Variants in NRXN1 observed in about 807,000 individuals in gnomAD.
The protein encoded by NRXN1 is neurexin-1.
NRXN1 carries 39 observed loss-of-function variants against 150.9 expected under a neutral mutation model. That is an observed-to-expected ratio of 0.26 (90% CI 0.20 to 0.34). The LOEUF is 0.34. Among genes scored for constraint, NRXN1 ranks in the 10% least tolerant of loss-of-function variants. The pLI is 1.00. For synonymous variants in NRXN1, 924 were observed against 757.0 expected, an observed-to-expected ratio of 1.22 and a Z score of -3.62; for missense variants, 1,815 against 1,949.9, an observed-to-expected ratio of 0.93 and a Z score of 1.30.
intron 5 of NRXN1, among the ~76,000 whole-genome samples, chr2:50,910,781 GAATA>G (rs963128814): frequency 6.6e-6 from 1 of 151,880 alleles, no homozygotes; most frequent in Non-Finnish European, 1.5e-5. Context: ...CGCAATGACT[GAATA>G]TATACTGCTA....
intron 21 of NRXN1, chr2:49,974,093 G>GAGAGCTGTAT: frequency 1.4e-6 from 1 of 716,940 alleles, no homozygotes; most frequent in South Asian, 1.5e-5. Flanking sequence ...ATCAATACTG[G>GAGAGCTGTAT]TGACAGGAGA....
intron 2 of NRXN1, among the ~76,000 whole-genome samples, chr2:51,019,593 TA>T (rs1381908114): frequency 6.6e-6 from 1 of 152,102 alleles, no homozygotes; most frequent in Non-Finnish European, 1.5e-5. Context: ...AACTACCTGG[TA>T]ATGCCTTTTC....
intron 17 of NRXN1, among the ~76,000 whole-genome samples, chr2:50,457,962 T>G (rs1042731947): frequency 6.6e-6 from 1 of 152,150 alleles, no homozygotes; most frequent in Non-Finnish European, 1.5e-5. Flanking sequence ...TACCGTATGA[T>G]CCAGCAATCT....
At chr2:50,812,731 T>TGTGC (rs1668395607) in intron 5 of NRXN1, among the ~76,000 whole-genome samples, 1 of 149,530 alleles carries the variant, frequency 6.7e-6, no homozygotes, top group African/African-American at 2.5e-5. Context: ...AGAGTGTGTG[T>TGTGC]GTGTGTGTGT....
chr2:50,971,770 T>C (rs1176412684), intron 2 of NRXN1, among the ~76,000 whole-genome samples: 4 of 151,996 alleles, frequency 2.6e-5, no homozygotes, highest in African/African-American at 9.7e-5. Flanking sequence ...CATTACACAG[T>C]CAGTGTTTAA....
At chr2:49,969,766 C>G (rs1677626206) in intron 21 of NRXN1, 1 of 151,986 alleles carries the variant, frequency 6.6e-6, no homozygotes, top group Admixed American at 6.6e-5. Flanking sequence ...CTGATATACT[C>G]CTGTAGAGTT....
At chr2:49,953,658 T>C (rs1453312000) in intron 21 of NRXN1, among the ~76,000 whole-genome samples, 1 of 152,052 alleles carries the variant, frequency 6.6e-6, no homozygotes, top group South Asian at 2.1e-4. Context: ...TATGAATATA[T>C]ACATATTATA....
intron 5 of NRXN1, chr2:50,912,193 T>C (rs147842691): frequency 6.6e-6 from 1 of 151,942 alleles, no homozygotes; most frequent in African/African-American, 2.4e-5. Flanking sequence ...TGACTGGGCA[T>C]TAGATCTTCT....
chr2:50,358,542 C>A (rs760137357), intron 17 of NRXN1, among the ~76,000 whole-genome samples: 2 of 152,196 alleles, frequency 1.3e-5, no homozygotes, highest in African/African-American at 4.8e-5. Context: ...TTCCTGCCCT[C>A]TGGGCAGGAC....
rs199980644 is a variant in NRXN1 at position 49,922,145 on chromosome 2, G to A, written c.4323C>T (p.Ala1441=). 108 of 1,614,004 alleles carry A rather than the reference G, an allele frequency of 6.7e-5. No homozygotes were observed. The highest frequency in any genetic ancestry group is 9.0e-5 in the Non-Finnish European group (106 of 1,180,026). ...TGMVVGIVAA[A]ALCILILLYA... The stretch of plus-strand genomic sequence containing the variant: ...AGAGGAGGATAAGGATGCACAGGGC[G>A]GCAGCGGCTACTATCCCAACGACCA... The change falls in exon 23 of 23, where the codon GCC becomes GCT. Residue 1441 remains alanine, a synonymous_variant. Coordinates refer to ENST00000401669, the MANE Select transcript of NRXN1 (RefSeq NM_001330078.2).
At chr2:50,462,432 A>C (rs943683420) in intron 17 of NRXN1, among the ~76,000 whole-genome samples, 10 of 151,826 alleles carry the variant, frequency 6.6e-5, no homozygotes, top group Admixed American at 1.3e-4. Context: ...AGAGAGGCAC[A>C]GAATGGATCA....
intron 2 of NRXN1, among the ~76,000 whole-genome samples, chr2:51,018,415 GGCTT>G (rs1222485682): frequency 6.6e-6 from 1 of 152,010 alleles, no homozygotes; most frequent in East Asian, 1.9e-4. Context: ...TCAGCACTTT[GGCTT>G]GCCAGGTCAG....
chr2:50,972,784 A>C (rs1695215189), intron 2 of NRXN1, among the ~76,000 whole-genome samples: 1 of 152,132 alleles, frequency 6.6e-6, no homozygotes, highest in Admixed American at 6.6e-5. Flanking sequence ...CACTGATCTG[A>C]CAGGAGGTGG....
At chr2:50,760,457 C>A (rs1272252828) in intron 5 of NRXN1, among the ~76,000 whole-genome samples, 1 of 151,810 alleles carries the variant, frequency 6.6e-6, no homozygotes, top group Admixed American at 6.6e-5. Flanking sequence ...GACAGAGCCT[C>A]AGATCCTGTA....
intron 17 of NRXN1, among the ~76,000 whole-genome samples, chr2:50,420,345 C>G (rs1409473042): frequency 6.6e-6 from 1 of 151,888 alleles, no homozygotes; most frequent in East Asian, 1.9e-4. Context: ...GGCCCACAGA[C>G]TACCCCTGGT....
intron 5 of NRXN1, among the ~76,000 whole-genome samples, chr2:50,836,262 G>A (rs371841671): frequency 6.6e-6 from 1 of 152,000 alleles, no homozygotes; most frequent in Non-Finnish European, 1.5e-5. Flanking sequence ...TTGTTTTGAT[G>A]TATGATTAAA....
At position 50,396,597 on chromosome 2, in the gene NRXN1, G is replaced by T. The variant is rs796702602; in HGVS notation, c.3364+68845C>A. On this transcript the variant is annotated intron_variant, in intron 17 of 22. Coordinates refer to ENST00000401669, the MANE Select transcript of NRXN1 (RefSeq NM_001330078.2). ...GTCAAAAAACGAGAACTTCTTTTTG[G>T]TGTTAACAGGGCTATGTCTGCTTTG... Among the ~76,000 whole-genome samples, 4 of 152,030 alleles carry T rather than the reference G, an allele frequency of 2.6e-5. No individual in the cohort carries two copies. In the South Asian group the frequency reaches 6.2e-4, roughly 24 times the overall value.
chr2:49,985,261 G>C (rs879041892), intron 21 of NRXN1, among the ~76,000 whole-genome samples: 1 of 152,110 alleles, frequency 6.6e-6, no homozygotes, highest in African/African-American at 2.4e-5. Context: ...AGATGAAGAA[G>C]TTACATCTAG....
rs536630285 is a variant in NRXN1, at chr2:50,873,251, T to G, written c.832+48618A>C. Among the ~76,000 whole-genome samples the G allele has an allele frequency of 2.6e-5, 4 of 151,938 alleles. No homozygotes were observed. In the South Asian group the frequency reaches 6.2e-4, roughly 24 times the overall value. ...CGTAAGAATGGTGACTGGCATATAA[T>G]AACACTATATAAACGGTTGTTAAAT... On this transcript the variant is annotated intron_variant, in intron 5 of 22. Coordinates refer to ENST00000401669, the MANE Select transcript of NRXN1 (RefSeq NM_001330078.2).
Sources: gnomAD v4.1 joint callset for allele counts (sites outside exome capture counted in the v4.1 genomes callset) on GRCh38, gnomAD v4.1.1 for gene constraint, MANE v1.5 for transcripts, NCBI Gene and HGNC (gene_info 2026-07-23, HGNC 2026-07-21) for gene names.